The following TMEM132E variants were observed in gnomAD, a reference collection of about 807,000 sequenced individuals.
TMEM132E encodes the protein transmembrane protein 132E.
In TMEM132E, 49 loss-of-function variants were observed where a neutral mutation model predicts 78.5. The ratio of observed to expected loss-of-function variants is 0.62; its 90% CI spans 0.50 to 0.79. The LOEUF is 0.79. Among genes scored for constraint, TMEM132E ranks in the 30% least tolerant of loss-of-function variants. The pLI, the probability that TMEM132E is intolerant of heterozygous loss-of-function variation, is 0.00. For synonymous variants in TMEM132E, 715 were observed against 670.6 expected (o/e 1.07, Z -1.02); for missense variants, 1,403 against 1,470.9 (o/e 0.95, Z 0.75).
chr17:34,598,683 C>G (rs971723535), intron 1 of TMEM132E, among the ~76,000 whole-genome samples: 2 of 152,214 alleles, frequency 1.3e-5, no homozygotes, highest in Admixed American at 1.3e-4. Context: ...AGACACAGTC[C>G]TCTGCTTCCT....
At chr17:34,590,834 CAAT>C (rs1567711001) in intron 1 of TMEM132E, among the ~76,000 whole-genome samples, 2 of 152,038 alleles carry the variant, frequency 1.3e-5, no homozygotes, top group Non-Finnish European at 2.9e-5. Flanking sequence ...GCAGGGTTCT[CAAT>C]AATTACTTGA....
intron 1 of TMEM132E, among the ~76,000 whole-genome samples, chr17:34,581,916 ACGGGTGGGGGGCAG>A (rs1228431281): frequency 6.6e-6 from 1 of 151,956 alleles, no homozygotes; most frequent in Non-Finnish European, 1.5e-5. Flanking sequence ...CAGCGGGCAT[ACGGGTGGGGGGCAG>A]CGGGTTTTTG....
chr17:34,613,368 C>G (rs913681047), intron 1 of TMEM132E, among the ~76,000 whole-genome samples: 4 of 151,056 alleles, frequency 2.6e-5, no homozygotes, highest in African/African-American at 9.7e-5. Context: ...GAGAGCAGCC[C>G]CCTCCCCCGC....
At chr17:34,592,134 A>T (rs528812545) in intron 1 of TMEM132E, among the ~76,000 whole-genome samples, 4 of 151,886 alleles carry the variant, frequency 2.6e-5, no homozygotes, top group South Asian at 4.2e-4. Context: ...TTGTTTTTTA[A>T]CCCTTGATGC....
intron 1 of TMEM132E, among the ~76,000 whole-genome samples, chr17:34,600,228 A>G (rs1906192111): frequency 6.6e-6 from 1 of 152,216 alleles, no homozygotes; most frequent in South Asian, 2.1e-4. Context: ...ATAAATATTG[A>G]CTGAAGGAAT....
At chr17:34,626,086 C>T in intron 1 of TMEM132E, 41 bp from the exon 2 acceptor site, 1 of 1,454,308 alleles carries the variant, frequency 6.9e-7, no homozygotes, top group Non-Finnish European at 9.1e-7. Context: ...AGCGTGGCCT[C>T]TCCTGACCAC....
At chr17:34,620,373 C>A (rs1486081418) in intron 1 of TMEM132E, among the ~76,000 whole-genome samples, 1 of 152,244 alleles carries the variant, frequency 6.6e-6, no homozygotes, top group Non-Finnish European at 1.5e-5. Context: ...TATATAGAGG[C>A]CCTGTCCTGG....
At chr17:34,620,987 C>T (rs1906941762) in intron 1 of TMEM132E, among the ~76,000 whole-genome samples, 1 of 152,096 alleles carries the variant, frequency 6.6e-6, no homozygotes, top group Non-Finnish European at 1.5e-5. Context: ...GGAAAGGGTC[C>T]CTCGCTAAGC....
At chr17:34,636,298 C>T (rs1430395361) in intron 8 of TMEM132E, 100 bp downstream of exon 8, 1 of 1,191,410 alleles carries the variant, frequency 8.4e-7, no homozygotes, top group Admixed American at 4.0e-5. Flanking sequence ...CATATTAGGG[C>T]TTTAGGAAAT....
intron 5 of TMEM132E, among the ~76,000 whole-genome samples, chr17:34,631,227 C>T (rs1033752563): frequency 2.0e-5 from 3 of 152,172 alleles, no homozygotes; most frequent in Non-Finnish European, 4.4e-5. Flanking sequence ...AAGCATGGGG[C>T]TCACCTCATC....
chr17:34,632,275 C>A (rs1023984754), intron 5 of TMEM132E, among the ~76,000 whole-genome samples: 2 of 152,202 alleles, frequency 1.3e-5, no homozygotes, highest in Non-Finnish European at 2.9e-5. Context: ...TTCCTCCCTG[C>A]CCAGTCAAGT....
In TMEM132E at chr17:34,627,925, C is replaced by T. The variant is rs184464366; in HGVS notation, c.999-638C>T. Among the ~76,000 whole-genome samples, 394 of 152,308 alleles carry T rather than the reference C, an allele frequency of 2.6e-3. 1 individual carries two copies. Among genetic ancestry groups the T allele is most frequent in the East Asian group, 6.0e-3 (31 of 5,188 alleles). ...TTGGGCTGCATTAATAGGAGTAGAG[C>T]TTGCAGAATTAGAGAGGTGGCAATC... On this transcript the variant is annotated intron_variant, in intron 2 of 8. Coordinates refer to ENST00000631683, the MANE Select transcript of TMEM132E (RefSeq NM_001304438.2).
chr17:34,623,992 T>C (rs1379279384), intron 1 of TMEM132E, among the ~76,000 whole-genome samples: 1 of 152,150 alleles, frequency 6.6e-6, no homozygotes, highest in Non-Finnish European at 1.5e-5. Context: ...ATTTCCCCAG[T>C]TGGTCCTAAG....
chr17:34,621,979 C>G (rs1906976440), intron 1 of TMEM132E, among the ~76,000 whole-genome samples: 3 of 152,292 alleles, frequency 2.0e-5, no homozygotes, highest in South Asian at 4.1e-4. Flanking sequence ...GTTGATCAGC[C>G]TCCCTTCTCC....
Position 34,636,217 on chromosome 17 carries a change from C to T in TMEM132E, c.2169+19C>T, listed in dbSNP as rs1165543444. On this transcript the variant is annotated intron_variant, in intron 8 of 8. Transcript: ENST00000631683. ...CAAGCAGGTAACTGGCTCCTTGGCC[C>T]ACCAGCCAGGGAGTTGGTGGTATGG... is the stretch of plus-strand genomic sequence containing the variant. 2.1e-6 allele frequency: 3 copies of T among 1,444,306 alleles called. No homozygotes were observed. Among genetic ancestry groups the T allele is most frequent in the Non-Finnish European group, 2.7e-6 (3 of 1,092,692 alleles). The allele number at this position is 1,444,306 out of a possible 1,614,324, so 89.5% of individuals were successfully genotyped here.
chr17:34,630,894 G>A (rs538038163), intron 5 of TMEM132E, among the ~76,000 whole-genome samples: 15 of 152,186 alleles, frequency 9.9e-5, no homozygotes, highest in African/African-American at 2.7e-4. Context: ...CTCCCCAAGA[G>A]GGCTCCAGAT....
In TMEM132E at chr17:34,626,473, G is replaced by A. The variant is rs1414908176; in HGVS notation, c.414G>A (p.Ser138=). The A allele has an allele frequency of 6.2e-7, 1 of 1,612,674 alleles. No homozygotes were observed. Among genetic ancestry groups the A allele is most frequent in the South Asian group, 1.1e-5 (1 of 91,016 alleles). ...TCGTCCGCTCGCACGTGCCCGCCTC[G>A]CAGCCCGTGGTCCAGGTGCTGTTCT... The part of the protein sequence containing the change: ...AFIVRSHVPA[S]QPVVQVLFYV... The change falls in exon 2 of 9, where the codon TCG becomes TCA. Residue 138 remains serine (S), a synonymous_variant. Transcript: ENST00000631683.
intron 1 of TMEM132E, among the ~76,000 whole-genome samples, chr17:34,583,521 C>T (rs369741189): frequency 6.6e-6 from 1 of 152,366 alleles, no homozygotes; most frequent in East Asian, 1.9e-4. Context: ...CACCCCTTCC[C>T]TCTGTTAAGA....
intron 5 of TMEM132E, among the ~76,000 whole-genome samples, chr17:34,630,479 T>G (rs1597691839): frequency 6.6e-6 from 1 of 152,058 alleles, no homozygotes; most frequent in Non-Finnish European, 1.5e-5. Flanking sequence ...AAACAGACAG[T>G]CAGGCCAGAG....
Sources: gnomAD v4.1 joint callset for allele counts (sites outside exome capture counted in the v4.1 genomes callset) on GRCh38, gnomAD v4.1.1 for gene constraint, MANE v1.5 for transcripts, NCBI Gene and HGNC (gene_info 2026-07-23, HGNC 2026-07-21) for gene names.